HTT: variants seen among roughly 807,000 people sequenced by gnomAD.
The protein encoded by HTT is huntingtin, also known as huntington disease protein.
HTT carries 104 observed loss-of-function variants against 362.3 expected under a neutral mutation model. That is an observed-to-expected ratio of 0.29 (90% CI 0.24 to 0.34). HTT has a LOEUF of 0.34. HTT is among the 10% of genes least tolerant of loss of function. The probability of loss-of-function intolerance (pLI) is 1.00; values close to 1 mark genes in which losing one functional copy is unlikely to be tolerated. For synonymous variants in HTT, 1,577 were observed against 1,548.7 expected, an observed-to-expected ratio of 1.02 and a Z score of -0.43; for missense variants, 3,301 against 3,928.6, an observed-to-expected ratio of 0.84 and a Z score of 4.27.
chr4:3,152,460 C>T lies in HTT; in HGVS notation c.3499-1833C>T, dbSNP rs1279454274. 3.3e-5 allele frequency among the ~76,000 whole-genome samples: 5 copies of T among 152,172 alleles called. No individual in the cohort carries two copies. The East Asian group carries it at 7.7e-4, about 23-fold the overall frequency. ...CCATTTAAAGTATATAATTCATTCT[C>T]TTTAGTATGCCCACAGAGTTGTACA... On this transcript the variant is annotated intron_variant, in intron 26 of 66. Coordinates refer to ENST00000355072, the MANE Select transcript of HTT (RefSeq NM_001388492.1).
At chr4:3,136,149 T>C in intron 20 of HTT, 77 bp from the exon 21 acceptor site, 1 of 1,075,948 alleles carries the variant, frequency 9.3e-7, no homozygotes, top group Non-Finnish European at 1.4e-6. Flanking sequence ...TCTTTCTCAC[T>C]AGCTTTCCAA....
rs1307270010 is a variant in HTT at position 3,146,783 on chromosome 4, A to T, written c.3144-14A>T. The T allele has an allele frequency of 1.2e-6, 2 of 1,611,574 alleles. No homozygotes were observed. Among genetic ancestry groups the T allele is most frequent in the Non-Finnish European group, 1.7e-6 (2 of 1,178,016 alleles). ...AATTGTCTATAATTTGACTTTGCAA[A>T]TGTCTGCTTCCAGAGTGCCTCCACT... On this transcript the variant is annotated splice_polypyrimidine_tract_variant and intron_variant, in intron 24 of 66. Coordinates refer to ENST00000355072, the MANE Select transcript of HTT (RefSeq NM_001388492.1).
chr4:3,086,328 G>T (rs1713205434), intron 1 of HTT, among the ~76,000 whole-genome samples: 1 of 152,142 alleles, frequency 6.6e-6, no homozygotes, highest in African/African-American at 2.4e-5. Flanking sequence ...TCATATCTGT[G>T]TGATCTTGGG....
rs1719725487 is a variant in HTT, at chr4:3,204,098, A to G, written c.5668A>G (p.Asn1890Asp). 6.2e-7 allele frequency: 1 copy of G among 1,614,088 alleles called. No individual in the cohort carries two copies. Among genetic ancestry groups the G allele is most frequent in the Non-Finnish European group, 8.5e-7 (1 of 1,180,022 alleles). Reference sequence around the variant, plus strand: ...CTTGGCAGCCAAACTTGGAATGTGCAATAGAGAAATAGTACGAAGAGGGGC... The same window carrying G: ...CTTGGCAGCCAAACTTGGAATGTGCGATAGAGAAATAGTACGAAGAGGGGC... ...SDLAAKLGMC[N>D]REIVRRGALI... The change falls in exon 42 of 67, where the codon AAT becomes GAT. Residue 1890 changes from asparagine (N) to aspartate (D), a missense_variant. By Grantham distance (23) the Asn-to-Asp change is conservative. Coordinates refer to ENST00000355072, the MANE Select transcript of HTT (RefSeq NM_001388492.1).
chr4:3,231,584 A>G (rs1252779786), intron 60 of HTT, among the ~76,000 whole-genome samples: 1 of 152,080 alleles, frequency 6.6e-6, no homozygotes. Context: ...CCCGAGCCCA[A>G]ACGCCAGTCA....
chr4:3,151,408 G>A (rs1343509818), intron 26 of HTT, among the ~76,000 whole-genome samples: 1 of 151,942 alleles, frequency 6.6e-6, no homozygotes, highest in African/African-American at 2.4e-5. Flanking sequence ...GAGGGAGAGA[G>A]GAGGGAGAAA....
chr4:3,187,616 C>T (rs753495566), intron 38 of HTT, 35 bp from the exon 39 acceptor site: 51 of 1,474,136 alleles, frequency 3.5e-5, no homozygotes, highest in Admixed American at 9.5e-5. Context: ...TTCCTTTTTT[C>T]TTCAGCTGTG....
intron 24 of HTT, 122 bp from the exon 25 acceptor site, chr4:3,146,675 A>T: frequency 1.2e-6 from 1 of 818,474 alleles, no homozygotes; most frequent in Non-Finnish European, 2.0e-6. Context: ...AAAATAAAAC[A>T]ATTTCTGAGC....
At chr4:3,143,391 C>G (rs1232723541) in intron 23 of HTT, among the ~76,000 whole-genome samples, 1 of 127,080 alleles carries the variant, frequency 7.9e-6, no homozygotes, top group East Asian at 2.6e-4. Flanking sequence ...GAGCTGAGGT[C>G]AAGCCACTGC....
intron 19 of HTT, among the ~76,000 whole-genome samples, chr4:3,134,794 A>G (rs1158193392): frequency 2.0e-5 from 3 of 152,162 alleles, no homozygotes; most frequent in East Asian, 1.9e-4. Context: ...CAGTAGCACA[A>G]TCATAGCTCA....
At chr4:3,129,084 A>C (rs768255415) in intron 12 of HTT, 2 of 152,242 alleles carry the variant, frequency 1.3e-5, no homozygotes, top group Non-Finnish European at 2.9e-5. Flanking sequence ...CCTATGTTAG[A>C]ACTTCCTAAT....
intron 40 of HTT, among the ~76,000 whole-genome samples, chr4:3,199,195 G>A (rs1719410061): frequency 6.6e-6 from 1 of 152,240 alleles, no homozygotes; most frequent in Non-Finnish European, 1.5e-5. Context: ...GACCAATGTG[G>A]AGGTCGACAG....
intron 64 of HTT, among the ~76,000 whole-genome samples, chr4:3,237,467 C>T (rs898859905): frequency 3.3e-5 from 5 of 152,192 alleles, no homozygotes; most frequent in South Asian, 2.1e-4. Context: ...CACAGGGAGG[C>T]GCCACGACCA....
chr4:3,127,164 A>G (rs1379717535), intron 11 of HTT, 100 bp from the exon 12 acceptor site: 1 of 841,228 alleles, frequency 1.2e-6, no homozygotes, highest in Non-Finnish European at 1.9e-6. Flanking sequence ...CAGCTGAAAC[A>G]TTTGATAACG....
chr4:3,186,460 C>G (rs1718761298), intron 37 of HTT, 137 bp from the exon 38 acceptor site: 4 of 932,154 alleles, frequency 4.3e-6, no homozygotes, highest in Non-Finnish European at 6.6e-6. Flanking sequence ...CACCACTGAA[C>G]TTAAAATGCT....
At chr4:3,172,248 A>C in intron 29 of HTT, 72 bp from the exon 30 acceptor site, 2 of 869,326 alleles carry the variant, frequency 2.3e-6, no homozygotes, top group Non-Finnish European at 4.0e-6. Flanking sequence ...TTGTACCTTC[A>C]ATTTCTGTCT....
At chr4:3,121,073 A>G (rs1715275410) in intron 8 of HTT, among the ~76,000 whole-genome samples, 155 bp from the exon 9 acceptor site, 1 of 152,254 alleles carries the variant, frequency 6.6e-6, no homozygotes, top group Non-Finnish European at 1.5e-5. Context: ...ATGGAAGCTA[A>G]TGATCACATT....
intron 2 of HTT, among the ~76,000 whole-genome samples, chr4:3,096,548 A>G (rs1481647069): frequency 6.6e-6 from 1 of 152,222 alleles, no homozygotes; most frequent in Non-Finnish European, 1.5e-5. Context: ...AAGTTGGAAT[A>G]TATTATAGGA....
intron 47 of HTT, among the ~76,000 whole-genome samples, chr4:3,211,010 C>G (rs1435819828): frequency 6.8e-6 from 1 of 147,066 alleles, no homozygotes; most frequent in Non-Finnish European, 1.5e-5. Context: ...TCATACGATT[C>G]TCCTGCCTCA....
Sources: allele counts gnomAD v4.1 joint callset (sites outside exome capture counted in the v4.1 genomes callset), GRCh38; gene constraint gnomAD v4.1.1; transcripts MANE v1.5; gene names NCBI Gene and HGNC (gene_info 2026-07-23, HGNC 2026-07-21).